NAALADL2: variants seen among roughly 807,000 people sequenced by gnomAD.
NAALADL2 encodes the protein inactive N-acetylated-alpha-linked acidic dipeptidase-like protein 2.
Under a neutral mutation model 87.2 loss-of-function variants are expected in NAALADL2, and 76 were observed. The observed-to-expected ratio is 0.87, with a 90% CI of 0.72 to 1.05. NAALADL2 has a LOEUF of 1.05. Ranked by LOEUF, NAALADL2 falls within the 50% of genes least tolerant of loss-of-function variation. The pLI, the probability that NAALADL2 is intolerant of heterozygous loss-of-function variation, is 0.00. For missense variants in NAALADL2, 1,089 were observed against 945.8 expected, an observed-to-expected ratio of 1.15 and a Z score of -1.99; for synonymous variants, 354 against 331.0, an observed-to-expected ratio of 1.07 and a Z score of -0.75.
intron 12 of NAALADL2, among the ~76,000 whole-genome samples, chr3:175,751,397 C>T (rs1259215316): frequency 6.6e-6 from 1 of 151,890 alleles, no homozygotes; most frequent in Non-Finnish European, 1.5e-5. Flanking sequence ...TAGAGAGTAA[C>T]ATCTCTGAGA....
intron 1 of NAALADL2, among the ~76,000 whole-genome samples, chr3:174,910,849 A>G (rs993365311): frequency 2.6e-5 from 4 of 152,102 alleles, no homozygotes; most frequent in Non-Finnish European, 5.9e-5. Context: ...TTTTAGGCCA[A>G]AGCTATCCCA....
intron 5 of NAALADL2, among the ~76,000 whole-genome samples, chr3:175,400,711 A>G (rs1770450799): frequency 6.6e-6 from 1 of 152,106 alleles, no homozygotes; most frequent in Non-Finnish European, 1.5e-5. Flanking sequence ...TATATATTTT[A>G]TGTTGTACAA....
chr3:175,145,959 G>A (rs1218312945), intron 2 of NAALADL2, among the ~76,000 whole-genome samples: 2 of 151,972 alleles, frequency 1.3e-5, no homozygotes, highest in African/African-American at 4.8e-5. Context: ...CTGTGGATGT[G>A]GAAATTGTTT....
intron 10 of NAALADL2, among the ~76,000 whole-genome samples, chr3:175,579,515 A>T (rs1244904883): frequency 6.6e-6 from 1 of 152,146 alleles, no homozygotes; most frequent in East Asian, 1.9e-4. Flanking sequence ...CTATACTCTA[A>T]TTTTCCAATA....
At chr3:175,275,164 G>A (rs905081624) in intron 4 of NAALADL2, among the ~76,000 whole-genome samples, 2 of 152,068 alleles carry the variant, frequency 1.3e-5, no homozygotes, top group Non-Finnish European at 1.5e-5. Context: ...ACAATGGGGG[G>A]TAGAAATAAA....
chr3:175,379,887 G>A (rs548046550), intron 5 of NAALADL2, among the ~76,000 whole-genome samples: 4 of 152,264 alleles, frequency 2.6e-5, no homozygotes, highest in East Asian at 3.9e-4. Context: ...GGAAGGTTGT[G>A]TATGTTTACT....
chr3:175,677,236 G>A (rs563204002), intron 11 of NAALADL2, among the ~76,000 whole-genome samples: 4 of 152,042 alleles, frequency 2.6e-5, no homozygotes, highest in East Asian at 1.9e-4. Flanking sequence ...GGTGGTGTGC[G>A]CCTGTAGTCC....
chr3:175,249,882 A>C lies in NAALADL2; in HGVS notation c.820-6529A>C, dbSNP rs1311829281. The stretch of plus-strand genomic sequence containing the variant: ...TTGGGTCCTGATCTGATAAGATTAT[A>C]TTCTTGCCGGGTGCAGTGGCTCACG... On this transcript the variant is annotated intron_variant, in intron 3 of 13. Coordinates refer to ENST00000454872, the MANE Select transcript of NAALADL2 (RefSeq NM_207015.3). Among the ~76,000 whole-genome samples, 4 of 152,248 alleles carry C rather than the reference A, an allele frequency of 2.6e-5. No homozygotes were observed. The East Asian group carries it at 7.7e-4, about 29-fold the overall frequency.
intron 11 of NAALADL2, among the ~76,000 whole-genome samples, chr3:175,677,776 C>T (rs1350373088): frequency 6.6e-5 from 10 of 152,082 alleles, no homozygotes; most frequent in Admixed American, 6.6e-4. Context: ...TCTTCATAGG[C>T]AAAGTGAAGT....
At chr3:174,502,466 C>G (rs1317233370) in intron 1 of NAALADL2, among the ~76,000 whole-genome samples, 3 of 152,084 alleles carry the variant, frequency 2.0e-5, no homozygotes, top group Admixed American at 6.5e-5. Flanking sequence ...TTGCAATGGC[C>G]TAATAAATAC....
intron 2 of NAALADL2, among the ~76,000 whole-genome samples, chr3:175,169,775 G>A (rs1301323363): frequency 6.6e-6 from 1 of 151,838 alleles, no homozygotes. Flanking sequence ...TTTGTTGGAT[G>A]AGGGCTATTC....
chr3:175,719,695 T>C (rs963547742), intron 11 of NAALADL2, among the ~76,000 whole-genome samples: 1 of 152,186 alleles, frequency 6.6e-6, no homozygotes, highest in Non-Finnish European at 1.5e-5. Context: ...GACAATCTGA[T>C]AGCCAGTCTC....
chr3:175,334,991 G>A (rs1761832008), intron 5 of NAALADL2, among the ~76,000 whole-genome samples: 1 of 152,132 alleles, frequency 6.6e-6, no homozygotes, highest in Non-Finnish European at 1.5e-5. Flanking sequence ...AAGACTGGAT[G>A]ACTGAGGCAA....
rs149481431 is a variant in NAALADL2, at chr3:174,770,115, C to T, written c.-9+32369C>T. Among the ~76,000 whole-genome samples, 469 of 152,290 alleles carry T rather than the reference C, an allele frequency of 3.1e-3. 2 individuals are homozygous for T. The highest frequency in any genetic ancestry group is 0.011 in the African/African-American group (449 of 41,574). On this transcript the variant is annotated intron_variant, in intron 3 of 3. Coordinates refer to the NAALADL2 transcript ENST00000434257. ...TCAGCAAAATTGTAACTCTTACAGA[C>T]ACTCATGTACACAAACACACATGCA...
chr3:175,040,840 T>G (rs1474393241), intron 1 of NAALADL2, among the ~76,000 whole-genome samples: 1 of 152,168 alleles, frequency 6.6e-6, no homozygotes, highest in Non-Finnish European at 1.5e-5. Context: ...ATATTTATTC[T>G]GCACTAAGTT....
At chr3:175,360,100 A>G (rs1393982358) in intron 5 of NAALADL2, among the ~76,000 whole-genome samples, 4 of 152,130 alleles carry the variant, frequency 2.6e-5, no homozygotes, top group Non-Finnish European at 5.9e-5. Context: ...CTATCTCCCT[A>G]TCTTATATAT....
At chr3:174,987,793 A>ATT (rs1011436978) in intron 1 of NAALADL2, among the ~76,000 whole-genome samples, 10 of 129,118 alleles carry the variant, frequency 7.7e-5, no homozygotes, top group African/African-American at 1.2e-4. Context: ...TACCTGGTTA[A>ATT]TTATATATAT....
chr3:175,272,360 G>A (rs1278511841), intron 4 of NAALADL2, among the ~76,000 whole-genome samples: 5 of 152,120 alleles, frequency 3.3e-5, no homozygotes, highest in African/African-American at 9.7e-5. Context: ...AAACTCCCAA[G>A]AAAATTATGT....
At chr3:174,638,909 G>T (rs1578394799) in intron 2 of NAALADL2, among the ~76,000 whole-genome samples, 1 of 152,258 alleles carries the variant, frequency 6.6e-6, no homozygotes, top group East Asian at 1.9e-4. Flanking sequence ...AGTTTTTGAG[G>T]TTGGTATAAT....
Sources: allele counts gnomAD v4.1 joint callset (sites outside exome capture counted in the v4.1 genomes callset), GRCh38; gene constraint gnomAD v4.1.1; transcripts MANE v1.5; gene names NCBI Gene and HGNC (gene_info 2026-07-23, HGNC 2026-07-21).